The following RAP1GAP2 variants were observed in gnomAD, a reference collection of about 807,000 sequenced individuals.
The protein encoded by RAP1GAP2 is rap1 GTPase-activating protein 2.
RAP1GAP2 carries 27 observed loss-of-function variants against 95.0 expected under a neutral mutation model. That is an observed-to-expected ratio of 0.28 (90% CI 0.21 to 0.39). The LOEUF is 0.39. Among genes scored for constraint, RAP1GAP2 ranks in the 10% least tolerant of loss-of-function variants. The probability of loss-of-function intolerance (pLI) is 1.00; values close to 1 mark genes in which losing one functional copy is unlikely to be tolerated. For missense variants in RAP1GAP2, 771 were observed against 970.0 expected (o/e 0.79, Z 2.72); for synonymous variants, 373 against 380.9 (o/e 0.98, Z 0.24).
Position 2,880,051 on chromosome 17 carries a change from G to A in RAP1GAP2, c.81-25233G>A, listed in dbSNP as rs190109294. Among the ~76,000 whole-genome samples the A allele has an allele frequency of 1.7e-3, 260 of 152,272 alleles. 2 individuals carry two copies. The highest frequency in any genetic ancestry group is 0.016 in the Admixed American group (242 of 15,292). ...GGGAAGGACAGGCATCAGACTGATCGTGACAACTGAGGGGCTGGGAGCAGG... is the reference window on the plus strand; with the variant it reads ...GGGAAGGACAGGCATCAGACTGATCATGACAACTGAGGGGCTGGGAGCAGG... On this transcript the variant is annotated intron_variant, in intron 2 of 24. Coordinates refer to ENST00000254695, the MANE Select transcript of RAP1GAP2 (RefSeq NM_015085.5).
At chr17:2,818,329 A>G (rs918391220) in intron 2 of RAP1GAP2, among the ~76,000 whole-genome samples, 3 of 112,318 alleles carry the variant, frequency 2.7e-5, no homozygotes, top group African/African-American at 1.1e-4. Context: ...TTATTTATTT[A>G]TTTATTTATT....
At chr17:2,924,683 G>A (rs1276497751) in intron 3 of RAP1GAP2, among the ~76,000 whole-genome samples, 1 of 152,050 alleles carries the variant, frequency 6.6e-6, no homozygotes, top group African/African-American at 2.4e-5. Context: ...CATACGTTGG[G>A]GTGGGCTGAG....
chr17:2,863,866 A>G lies in RAP1GAP2; in HGVS notation c.81-41418A>G, dbSNP rs147046725. 2.6e-4 allele frequency among the ~76,000 whole-genome samples: 40 copies of G among 152,252 alleles called. No homozygotes were observed. The East Asian group carries it at 7.7e-3, about 29-fold the overall frequency. ...GAGGTCGGGAGTTCGAGACCAGCCAACATGGTGAAACTCCGTCTCTACTAA... is the reference window on the plus strand; with the variant it reads ...GAGGTCGGGAGTTCGAGACCAGCCAGCATGGTGAAACTCCGTCTCTACTAA... On this transcript the variant is annotated intron_variant, in intron 2 of 24. Transcript: ENST00000254695.
chr17:2,856,044 G>A (rs1160334000), intron 2 of RAP1GAP2, among the ~76,000 whole-genome samples: 2 of 152,208 alleles, frequency 1.3e-5, no homozygotes, highest in Non-Finnish European at 2.9e-5. Flanking sequence ...AAGCTGCCAT[G>A]GGAACTCTGG....
chr17:2,863,066 G>A (rs181745060), intron 2 of RAP1GAP2, among the ~76,000 whole-genome samples: 1 of 150,550 alleles, frequency 6.6e-6, no homozygotes, highest in Admixed American at 6.6e-5. Context: ...AAGAGTGTCT[G>A]GGTGGTGCCC....
intron 2 of RAP1GAP2, among the ~76,000 whole-genome samples, chr17:2,876,023 C>T (rs1041389061): frequency 4.0e-5 from 6 of 151,804 alleles, no homozygotes; most frequent in South Asian, 2.1e-4. Flanking sequence ...CCACAATCTC[C>T]GCCCCCCGGG....
At chr17:2,816,580 C>T (rs1306867971) in intron 2 of RAP1GAP2, among the ~76,000 whole-genome samples, 2 of 151,826 alleles carry the variant, frequency 1.3e-5, no homozygotes, top group African/African-American at 2.4e-5. Flanking sequence ...CTCAGGTGAT[C>T]CACCCACCTC....
At chr17:3,025,440 G>GTTA in intron 19 of RAP1GAP2, among the ~76,000 whole-genome samples, 1 of 152,322 alleles carries the variant, frequency 6.6e-6, no homozygotes, top group Non-Finnish European at 1.5e-5. Flanking sequence ...AGCACTGTGG[G>GTTA]CACTGTCCAT....
At chr17:2,879,850 C>T (rs1295532808) in intron 2 of RAP1GAP2, among the ~76,000 whole-genome samples, 1 of 152,074 alleles carries the variant, frequency 6.6e-6, no homozygotes, top group Non-Finnish European at 1.5e-5. Context: ...TACTTTTTTC[C>T]TCCTGAGCCC....
chr17:2,849,148 C>A (rs992053662), intron 2 of RAP1GAP2, among the ~76,000 whole-genome samples: 1 of 152,158 alleles, frequency 6.6e-6, no homozygotes, highest in African/African-American at 2.4e-5. Flanking sequence ...ATAACCCTTG[C>A]GTTGTCCCAA....
Position 3,020,590 on chromosome 17 carries a change from A to G in RAP1GAP2, c.1746A>G (p.Ala582=). The G allele has an allele frequency of 6.2e-7, 1 of 1,613,240 alleles. No homozygotes were observed. Among genetic ancestry groups the G allele is most frequent in the East Asian group, 2.2e-5 (1 of 44,872 alleles). The change falls in exon 19 of 25, where the codon GCA becomes GCG. Residue 582 remains alanine, a synonymous_variant. Coordinates refer to ENST00000254695, the MANE Select transcript of RAP1GAP2 (RefSeq NM_015085.5). ...TGSEGQGDSR[A]RCDSTSSTPK... is the part of the protein sequence containing the mutation. ...CAGAAGGCCAGGGCGACAGCCGGGC[A>G]CGATGGTAACTGTTGGGAAACCCCT...
chr17:2,776,333 GC>G (rs1282386850), upstream of RAP1GAP2, among the ~76,000 whole-genome samples: 6 of 152,196 alleles, frequency 3.9e-5, no homozygotes, highest in Admixed American at 3.9e-4. Context: ...TAGATCAGGA[GC>G]CCCCAGGCCT....
chr17:2,864,347 C>A (rs2151626347), intron 2 of RAP1GAP2, among the ~76,000 whole-genome samples: 1 of 152,316 alleles, frequency 6.6e-6, no homozygotes, highest in Admixed American at 6.5e-5. Context: ...GTTATTCTGC[C>A]CACATACTTT....
upstream of RAP1GAP2, among the ~76,000 whole-genome samples, chr17:2,776,665 T>C (rs2068507157): frequency 6.6e-6 from 1 of 150,448 alleles, no homozygotes; most frequent in Non-Finnish European, 1.5e-5. Context: ...CCCCGGACCC[T>C]GGATCGGCGC....
At chr17:2,856,118 C>G (rs1209091064) in intron 2 of RAP1GAP2, among the ~76,000 whole-genome samples, 3 of 152,098 alleles carry the variant, frequency 2.0e-5, no homozygotes, top group Non-Finnish European at 2.9e-5. Context: ...TGTTTTCTGC[C>G]CTTCAGCATT....
In RAP1GAP2 at chr17:3,027,163, C is replaced by T. The variant is rs2047149364; in HGVS notation, c.2107+93C>T. 2 of 1,428,852 alleles carry T rather than the reference C, an allele frequency of 1.4e-6. No homozygotes were observed. Among genetic ancestry groups the T allele is most frequent in the Non-Finnish European group, 1.9e-6 (2 of 1,072,298 alleles). The allele number at this position is 1,428,852 out of a possible 1,614,324, so 88.5% of individuals were successfully genotyped here. A position where few individuals can be genotyped will look rare whatever the true frequency, so the allele number is the denominator to read the frequency against. On this transcript the variant is annotated intron_variant, in intron 22 of 24. Transcript: ENST00000254695. The surrounding 1 kb of genome is among the most constrained non-coding windows in gnomAD (Gnocchi z 5.2). The stretch of plus-strand genomic sequence containing the variant: ...AGGGCCCCAGCCACGCTGAACTGGC[C>T]AGTTTTCACCCCTCCTCCCAGCTGT...
At chr17:3,017,555 A>G (rs1182937153) in intron 17 of RAP1GAP2, among the ~76,000 whole-genome samples, 1 of 152,188 alleles carries the variant, frequency 6.6e-6, no homozygotes, top group African/African-American at 2.4e-5. Flanking sequence ...TTTATTACAG[A>G]TGGAGGCTCA....
intron 2 of RAP1GAP2, among the ~76,000 whole-genome samples, chr17:2,842,397 G>T (rs1023152661): frequency 3.9e-5 from 6 of 151,974 alleles, no homozygotes; most frequent in African/African-American, 1.4e-4. Context: ...AGGCGTGGTG[G>T]CACATGCCTG....
chr17:2,799,324 G>C (rs2069186149), intron 1 of RAP1GAP2, among the ~76,000 whole-genome samples: 1 of 152,228 alleles, frequency 6.6e-6, no homozygotes, highest in Non-Finnish European at 1.5e-5. Context: ...AACTGGGAGA[G>C]ACGTGGGCCA....
Sources: gnomAD v4.1 joint callset for allele counts (sites outside exome capture counted in the v4.1 genomes callset) on GRCh38, gnomAD v4.1.1 for gene constraint, Gnocchi (gnomAD v3.1) non-coding constraint, MANE v1.5 for transcripts, NCBI Gene and HGNC (gene_info 2026-07-23, HGNC 2026-07-21) for gene names.